The following FBF1 variants were observed in gnomAD, a reference collection of about 807,000 sequenced individuals.
FBF1 encodes fas-binding factor 1.
FBF1 carries 119 observed loss-of-function variants against 147.2 expected under a neutral mutation model. The ratio of observed to expected loss-of-function variants is 0.81; its 90% confidence interval spans 0.70 to 0.94. FBF1 has a LOEUF of 0.94. Ranked by LOEUF, FBF1 falls within the 40% of genes least tolerant of loss-of-function variation. FBF1 has a pLI of 0.00. For missense variants in FBF1, 1,449 were observed against 1,500.8 expected (o/e 0.97, Z 0.57); for synonymous variants, 601 against 609.0 (o/e 0.99, Z 0.19).
intron 5 of FBF1, among the ~76,000 whole-genome samples, chr17:75,932,664 G>T (rs550440801): frequency 6.6e-6 from 1 of 152,062 alleles, no homozygotes; most frequent in Non-Finnish European, 1.5e-5. Flanking sequence ...CGAGGTGGGC[G>T]GATCACCTGA....
intron 28 of FBF1, chr17:75,913,457 CTTT>C: frequency 2.4e-6 from 1 of 422,704 alleles, no homozygotes; most frequent in Non-Finnish European, 4.2e-6. Flanking sequence ...CTGACAATGA[CTTT>C]TTTTATTTCC....
Position 75,923,569 on chromosome 17 carries a change from G to A in FBF1, c.1041C>T (p.Ser347=), listed in dbSNP as rs1490457098. The change falls in exon 14 of 30, where the codon TCC becomes TCT. Residue 347 remains serine, a synonymous_variant. Coordinates refer to ENST00000636174, the MANE Select transcript of FBF1 (RefSeq NM_001319193.2). This position sits in a 1 kb window ranked among gnomAD's most constrained non-coding sequence, Gnocchi z 4.1. ...CTCCCTTCCTGGGCTGGATGGGGCT[G>A]GAAGCCATTGGAGGGCTCTGTTTGG... ...PGSKQSPPMA[S]SPIQPRKGGA... 1 of 1,610,164 alleles carries A rather than the reference G, an allele frequency of 6.2e-7. No individual in the cohort carries two copies.
intron 15 of FBF1, 129 bp downstream of exon 15, chr17:75,921,816 G>C: frequency 1.2e-6 from 1 of 857,298 alleles, no homozygotes; most frequent in African/African-American, 1.7e-5. Flanking sequence ...AGCAGGGTGG[G>C]CAGCCTCTGT....
rs376674979 is a variant in FBF1 at position 75,926,057 on chromosome 17, G to A, written c.841C>T (p.Leu281=). The A allele has an allele frequency of 2.7e-5, 43 of 1,612,118 alleles. No homozygotes were observed. In the Admixed American group the frequency reaches 3.0e-4, roughly 11 times the overall value. The part of the protein sequence containing the change: ...PGTGEHREFK[L]DKKYQRPQDS... ...TGTGGCCTCTGGTACTTCTTGTCTA[G>A]CTTGAACTCCCTGTGCTCCCCGGTG... The change falls in exon 12 of 30, where the codon CTA becomes TTA. Residue 281 remains leucine (L), a synonymous_variant. Coordinates refer to ENST00000636174, the MANE Select transcript of FBF1 (RefSeq NM_001319193.2).
At chr17:75,937,496 A>G in intron 3 of FBF1, 70 bp downstream of exon 3, 1 of 1,572,524 alleles carries the variant, frequency 6.4e-7, no homozygotes, top group East Asian at 2.2e-5. Flanking sequence ...AACACATCTC[A>G]TTGTTCCAGG....
chr17:75,912,212 G>A lies in FBF1; in HGVS notation c.3343C>T (p.Leu1115=). Residue 1115 remains leucine (L), a synonymous_variant, in exon 29 of 30, where the codon CTG becomes TTG. Transcript: ENST00000636174. ...CTCACCTGCTCTGCCATGTGCCTCA[G>A]CAGTGCCAGCCTGGCATGGAGGTGC... ...PLHLHARLAL[L]RHMAEQDRDF... 2 of 1,609,714 alleles carry A rather than the reference G, an allele frequency of 1.2e-6. No homozygotes were observed. The highest frequency in any genetic ancestry group is 2.2e-5 in the South Asian group (2 of 90,146).
intron 13 of FBF1, among the ~76,000 whole-genome samples, chr17:75,924,300 C>T (rs1049481859): frequency 6.6e-6 from 1 of 152,204 alleles, no homozygotes; most frequent in African/African-American, 2.4e-5. Context: ...CTTCATCTGT[C>T]ACTGACCAGT....
chr17:75,927,815 C>G (rs1163373977), intron 8 of FBF1, among the ~76,000 whole-genome samples: 3 of 152,186 alleles, frequency 2.0e-5, no homozygotes, highest in Non-Finnish European at 4.4e-5. Flanking sequence ...TTAACTCACA[C>G]AGCTTCTCCA....
In FBF1 at chr17:75,923,649, A is replaced by G. The variant is rs547280796; in HGVS notation, c.969-8T>C. On this transcript the variant is annotated splice_region_variant and splice_polypyrimidine_tract_variant and intron_variant, in intron 13 of 29. Transcript: ENST00000636174. The surrounding 1 kb of genome is among the most constrained non-coding windows in gnomAD (Gnocchi z 4.1). ...CTGTCTGCGAAGAACCTACTTCAAG[A>G]CAGAAAGGAGGGTGTCAGGCAGGGG... The G allele has an allele frequency of 1.3e-4, 205 of 1,585,050 alleles. No individual in the cohort carries two copies. The South Asian group carries it at 2.2e-3, about 17-fold the overall frequency.
intron 25 of FBF1, 38 bp from the exon 26 acceptor site, chr17:75,914,336 G>A (rs1326684082): frequency 1.3e-6 from 2 of 1,563,278 alleles, no homozygotes; most frequent in Admixed American, 1.8e-5. Flanking sequence ...TCTCCTCCCA[G>A]GAATTGCGCT....
At chr17:75,912,131 C>G (rs2065459736) in intron 29 of FBF1, 61 bp downstream of exon 29, 1 of 1,497,044 alleles carries the variant, frequency 6.7e-7, no homozygotes, top group Non-Finnish European at 9.1e-7. Flanking sequence ...TCCTCCCTGC[C>G]TCTGCCCTGA....
At chr17:75,914,085 G>A in intron 26 of FBF1, 35 bp from the exon 27 acceptor site, 2 of 1,593,124 alleles carry the variant, frequency 1.3e-6, no homozygotes, top group Non-Finnish European at 1.7e-6. Context: ...GGCTGCCTGG[G>A]CTCAGATGCG....
At position 75,921,969 on chromosome 17, in the gene FBF1, G is replaced by A. The variant is rs949186713; in HGVS notation, c.1502C>T (p.Pro501Leu). ...CCCCGAGACACCAGGCCTGACACAC[G>A]GTCTTTCTCGTGCAGTTGTTCCAGA... ...GSSGTTARER[P>L]CVRPGVSGSP... is the part of the protein sequence containing the mutation. The change falls in exon 15 of 30, where the codon CCG becomes CTG. Residue 501 changes from proline (P) to leucine (L), a missense_variant. Coordinates refer to ENST00000636174, the MANE Select transcript of FBF1 (RefSeq NM_001319193.2). 71 of 1,551,218 alleles carry A rather than the reference G, an allele frequency of 4.6e-5. No individual in the cohort carries two copies. The highest frequency in any genetic ancestry group is 5.7e-5 in the Non-Finnish European group (65 of 1,146,960).
intron 27 of FBF1, 21 bp from the exon 28 acceptor site, chr17:75,913,840 A>G: frequency 1.3e-6 from 2 of 1,585,274 alleles, no homozygotes; most frequent in South Asian, 2.3e-5. Flanking sequence ...TCCCCCAGAA[A>G]GAAGGACTCA....
intron 1 of FBF1, among the ~76,000 whole-genome samples, chr17:75,938,858 C>G (rs1340157721): frequency 7.2e-6 from 1 of 139,054 alleles, no homozygotes; most frequent in East Asian, 2.1e-4. Flanking sequence ...GAGCAAGACT[C>G]CATCTCAAAA....
rs1159327249 is a variant in FBF1 at position 75,928,313 on chromosome 17, G to A, written c.280-120C>T. 1 of 768,184 alleles carries A rather than the reference G, an allele frequency of 1.3e-6. No individual in the cohort carries two copies. The highest frequency in any genetic ancestry group is 2.2e-6 in the Non-Finnish European group (1 of 459,298). The allele number at this position is 768,184 out of a possible 1,614,324, so 47.6% of individuals were successfully genotyped here. A position where few individuals can be genotyped will look rare whatever the true frequency, so the allele number is the denominator to read the frequency against. ...GAATTGTGAGAAAACAAAGGAAAATGAGAAAACTGTTGAGAAAAACAGTGA... is the reference window on the plus strand; with the variant it reads ...GAATTGTGAGAAAACAAAGGAAAATAAGAAAACTGTTGAGAAAAACAGTGA... On this transcript the variant is annotated intron_variant, in intron 7 of 29. Transcript: ENST00000636174. This position sits in a 1 kb window ranked among gnomAD's most constrained non-coding sequence, Gnocchi z 4.2.
chr17:75,925,485 G>A lies in FBF1; in HGVS notation c.869-39C>T. On this transcript the variant is annotated intron_variant, in intron 12 of 29. Coordinates refer to ENST00000636174, the MANE Select transcript of FBF1 (RefSeq NM_001319193.2). The surrounding 1 kb of genome is among the most constrained non-coding windows in gnomAD (Gnocchi z 5.0). ...AGCCTGTGACCGTGATCTGGAGTAG[G>A]GGAACCAAGCTCATTTGCGGCTGCA... is the stretch of plus-strand genomic sequence containing the variant. 1 of 1,560,822 alleles carries A rather than the reference G, an allele frequency of 6.4e-7. No individual in the cohort carries two copies. The highest frequency in any genetic ancestry group is 8.7e-7 in the Non-Finnish European group (1 of 1,145,024).
chr17:75,938,511 G>A (rs1194311184), intron 1 of FBF1, among the ~76,000 whole-genome samples: 6 of 136,054 alleles, frequency 4.4e-5, no homozygotes, highest in Non-Finnish European at 6.1e-5. Context: ...AGCCAAGACC[G>A]CGCCACTGCA....
In FBF1 at chr17:75,923,763, G is replaced by T; in HGVS notation, c.969-122C>A. 1.0e-6 allele frequency: 1 copy of T among 998,920 alleles called. No individual in the cohort carries two copies. The highest frequency in any genetic ancestry group is 1.4e-6 in the Non-Finnish European group (1 of 697,196). 61.9% of individuals were successfully genotyped at this position (998,920 alleles called of 1,614,324 possible). On this transcript the variant is annotated intron_variant, in intron 13 of 29. Coordinates refer to ENST00000636174, the MANE Select transcript of FBF1 (RefSeq NM_001319193.2). The surrounding 1 kb of genome is among the most constrained non-coding windows in gnomAD (Gnocchi z 4.1). ...TGCACAGTCAGCTGAGGCCCAGTGAGCAGTGGCTCCTGGACCGGCTCAGGT... is the reference window on the plus strand; with the variant it reads ...TGCACAGTCAGCTGAGGCCCAGTGATCAGTGGCTCCTGGACCGGCTCAGGT...
Sources: allele counts gnomAD v4.1 joint callset (sites outside exome capture counted in the v4.1 genomes callset), GRCh38; gene constraint gnomAD v4.1.1; non-coding constraint Gnocchi (gnomAD v3.1); transcripts MANE v1.5; gene names NCBI Gene and HGNC (gene_info 2026-07-23, HGNC 2026-07-21).